IL13RA1: variants seen among roughly 807,000 people sequenced by gnomAD.
The protein encoded by IL13RA1 is interleukin-13 receptor subunit alpha-1.
Under a neutral mutation model 33.8 loss-of-function variants are expected in IL13RA1, and 14 were observed. The ratio of observed to expected loss-of-function variants is 0.41; its 90% confidence interval spans 0.27 to 0.65. The LOEUF (loss-of-function observed/expected upper bound fraction) is 0.65, where lower values mean the gene tolerates loss of function less well. Among genes scored for constraint, IL13RA1 ranks in the 30% least tolerant of loss-of-function variants. IL13RA1 has a pLI of 0.28. For missense variants in IL13RA1, 313 were observed against 327.0 expected, an observed-to-expected ratio of 0.96 and a Z score of 0.33; for synonymous variants, 116 against 115.7, an observed-to-expected ratio of 1.00 and a Z score of -0.02.
chrX:118,791,670 C>A, intron 10 of IL13RA1, 92 bp from the exon 11 acceptor site: 1 of 398,510 alleles, frequency 2.5e-6, no homozygotes, highest in Non-Finnish European at 4.3e-6. Flanking sequence ...TCCATCCACA[C>A]AAACCTAAAA....
chrX:118,791,106 C>T (rs1311597699), intron 10 of IL13RA1, among the ~76,000 whole-genome samples: 1 of 110,932 alleles, frequency 9.0e-6, no homozygotes, highest in African/African-American at 3.3e-5. Flanking sequence ...GGACCGAGCT[C>T]ATGTTTCACC....
intron 10 of IL13RA1, among the ~76,000 whole-genome samples, chrX:118,778,827 A>G (rs1018282352): frequency 1.8e-5 from 2 of 111,972 alleles, no homozygotes; most frequent in African/African-American, 6.5e-5. Flanking sequence ...TAACCACCCT[A>G]TGGAGAAGAT....
rs2017298716 is a variant in IL13RA1, at chrX:118,737,834, G to A, written c.89-3183G>A. On this transcript the variant is annotated intron_variant, in intron 1 of 10. Coordinates refer to ENST00000371666, the MANE Select transcript of IL13RA1 (RefSeq NM_001560.3). ...AGTGGGAGGTAGGTGGGTAGGGAGA[G>A]TACTGGAAGTGCTAAACTAGGTTTC... Among the ~76,000 whole-genome samples the A allele has an allele frequency of 2.7e-5, 3 of 111,657 alleles. No homozygotes were observed. In the South Asian group the frequency reaches 1.1e-3, roughly 42 times the overall value.
chrX:118,731,988 ATATT>A (rs2017226577), intron 1 of IL13RA1, among the ~76,000 whole-genome samples: 1 of 112,384 alleles, frequency 8.9e-6, no homozygotes, highest in Admixed American at 9.4e-5. Context: ...GTATTTGTAT[ATATT>A]TAAACATTTG....
At position 118,766,340 on chromosome X, in the gene IL13RA1, C is replaced by CT. The variant is rs1208568240; in HGVS notation, c.829-179dup. ...TAGTATGAGGTAGGGCGTCAAGAAT[C>CT]TTTTTTTTTTTCATATGCATATGTA... On this transcript the variant is annotated intron_variant, in intron 6 of 10. Transcript: ENST00000371666. Among the ~76,000 whole-genome samples the CT allele has an allele frequency of 7.5e-4, 79 of 104,645 alleles. 2 individuals are homozygous for CT. In the South Asian group the frequency reaches 0.013, roughly 17 times the overall value. 90.9% of individuals were successfully genotyped at this position (104,645 alleles called of 115,157 possible).
At chrX:118,752,979 A>G (rs1180363511) in intron 4 of IL13RA1, among the ~76,000 whole-genome samples, 1 of 112,160 alleles carries the variant, frequency 8.9e-6, no homozygotes, top group Non-Finnish European at 1.9e-5. Flanking sequence ...GTGAGTTGGC[A>G]GCATCCATGT....
chrX:118,746,826 A>G, intron 2 of IL13RA1, 128 bp from the exon 3 acceptor site: 1 of 455,506 alleles, frequency 2.2e-6, no homozygotes. Flanking sequence ...GCCCCAATTG[A>G]GAATCACTGA....
intron 10 of IL13RA1, among the ~76,000 whole-genome samples, chrX:118,779,882 T>C (rs113577373): frequency 1.7e-4 from 19 of 112,020 alleles, no homozygotes; most frequent in African/African-American, 5.5e-4. Flanking sequence ...GATGGTAACA[T>C]TGACAGCAAA....
Position 118,749,713 on chromosome X carries a change from C to T in IL13RA1, c.423C>T (p.Tyr141=), listed in dbSNP as rs747126033. ...AATGCATTTGGCACAACCTGAGCTA[C>T]ATGAAGTGTTCTTGGCTCCCTGGAA... is the stretch of plus-strand genomic sequence containing the variant. ...ELQCIWHNLS[Y]MKCSWLPGRN... is the part of the protein sequence containing the mutation. The change falls in exon 4 of 11, where the codon TAC becomes TAT. Residue 141 remains tyrosine (Y), a synonymous_variant. Coordinates refer to ENST00000371666, the MANE Select transcript of IL13RA1 (RefSeq NM_001560.3). 4.2e-6 allele frequency: 5 copies of T among 1,184,508 alleles called. No individual in the cohort carries two copies. The highest frequency in any genetic ancestry group is 5.7e-6 in the Non-Finnish European group (5 of 870,653).
chrX:118,730,516 C>T (rs1450357546), intron 1 of IL13RA1, among the ~76,000 whole-genome samples: 1 of 111,253 alleles, frequency 9.0e-6, no homozygotes, highest in Non-Finnish European at 1.9e-5. Flanking sequence ...GAGCAGAGAC[C>T]CAGAAATGAG....
chrX:118,731,516 G>A (rs1418532435), intron 1 of IL13RA1, among the ~76,000 whole-genome samples: 1 of 106,577 alleles, frequency 9.4e-6, no homozygotes, highest in Non-Finnish European at 1.9e-5. Flanking sequence ...GGCAGAGTTT[G>A]CAGTGAGCTA....
chrX:118,770,946 A>G (rs2017712624), intron 8 of IL13RA1: 1 of 238,871 alleles, frequency 4.2e-6, no homozygotes, highest in Non-Finnish European at 7.8e-6. Flanking sequence ...CTCTCATCCT[A>G]TTCCAACCTC....
chrX:118,764,179 C>T (rs2017620759), intron 6 of IL13RA1, among the ~76,000 whole-genome samples: 1 of 73,497 alleles, frequency 1.4e-5, no homozygotes, highest in African/African-American at 5.1e-5. Context: ...GACCACCCCC[C>T]ACCCCCCACC....
intron 4 of IL13RA1, among the ~76,000 whole-genome samples, chrX:118,751,377 C>T (rs764237176): frequency 1.8e-5 from 2 of 112,058 alleles, no homozygotes; most frequent in South Asian, 7.4e-4. Flanking sequence ...CTCTTCTCTC[C>T]TAAAGCTCAA....
At chrX:118,756,775 A>G (rs781506726) in intron 4 of IL13RA1, among the ~76,000 whole-genome samples, 1 of 111,840 alleles carries the variant, frequency 8.9e-6, no homozygotes, top group African/African-American at 3.2e-5. Flanking sequence ...TGATAATGGG[A>G]AGGTTGGAAG....
intron 3 of IL13RA1, 56 bp from the exon 4 acceptor site, chrX:118,749,602 G>A (rs927360198): frequency 4.4e-6 from 5 of 1,132,439 alleles, no homozygotes; most frequent in Non-Finnish European, 6.0e-6. Flanking sequence ...AGAGTGATTT[G>A]CTACTTTGCA....
At chrX:118,791,621 C>CAAA (rs11318857) in intron 10 of IL13RA1, 141 bp from the exon 11 acceptor site, 77 of 217,764 alleles carry the variant, frequency 3.5e-4, no homozygotes, top group African/African-American at 7.2e-4. Flanking sequence ...ATTCTTAGGT[C>CAAA]AAAAAAAAAA....
chrX:118,735,048 AG>A (rs1254701671), intron 1 of IL13RA1, among the ~76,000 whole-genome samples: 6 of 110,766 alleles, frequency 5.4e-5, no homozygotes, highest in Non-Finnish European at 9.5e-5. Context: ...CATTTCATCT[AG>A]GCTGTCCAAT....
At chrX:118,754,989 G>A (rs1188975563) in intron 4 of IL13RA1, among the ~76,000 whole-genome samples, 17 of 89,762 alleles carry the variant, frequency 1.9e-4, no homozygotes, top group African/African-American at 6.6e-4. Context: ...TCATTCTGTC[G>A]CCAGGCTGGA....
Sources: gnomAD v4.1 joint callset for allele counts (sites outside exome capture counted in the v4.1 genomes callset) on GRCh38, gnomAD v4.1.1 for gene constraint, MANE v1.5 for transcripts, NCBI Gene and HGNC (gene_info 2026-07-23, HGNC 2026-07-21) for gene names.